The following TRHDE variants were observed in gnomAD, a reference collection of about 807,000 sequenced individuals.
TRHDE encodes the protein thyrotropin releasing hormone degrading enzyme.
Under a neutral mutation model 125.7 loss-of-function variants are expected in TRHDE, and 72 were observed. The ratio of observed to expected loss-of-function variants is 0.57; its 90% CI spans 0.47 to 0.70. The LOEUF (loss-of-function observed/expected upper bound fraction) is 0.70. TRHDE is among the 30% of genes least tolerant of loss of function. TRHDE has a pLI of 0.00. For synonymous variants in TRHDE, 509 were observed against 509.1 expected (o/e 1.00, Z 0.00); for missense variants, 1,110 against 1,327.1 (o/e 0.84, Z 2.54).
At chr12:72,096,637 AC>A (rs1874929461) in intron 1 of TRHDE, among the ~76,000 whole-genome samples, 1 of 152,156 alleles carries the variant, frequency 6.6e-6, no homozygotes, top group African/African-American at 2.4e-5. Flanking sequence ...TCCCCAAGGT[AC>A]TCCCAGGTCC....
chr12:72,446,967 A>T (rs1290986742), intron 3 of TRHDE, among the ~76,000 whole-genome samples: 1 of 152,132 alleles, frequency 6.6e-6, no homozygotes, highest in East Asian at 1.9e-4. Flanking sequence ...CGAGACAGAA[A>T]GTTAACAAGG....
intron 2 of TRHDE, among the ~76,000 whole-genome samples, chr12:72,163,829 C>T (rs752661634): frequency 3.9e-5 from 6 of 152,152 alleles, no homozygotes; most frequent in African/African-American, 1.4e-4. Flanking sequence ...GTACTCAAAT[C>T]GGCAGAGCGC....
chr12:72,163,837 C>A (rs578206991), intron 2 of TRHDE, among the ~76,000 whole-genome samples: 2 of 152,140 alleles, frequency 1.3e-5, no homozygotes, highest in Non-Finnish European at 2.9e-5. Context: ...ATCGGCAGAG[C>A]GCGGTGGCTC....
chr12:72,564,646 C>T (rs1870343882), intron 9 of TRHDE, among the ~76,000 whole-genome samples: 1 of 114,816 alleles, frequency 8.7e-6, no homozygotes, highest in Non-Finnish European at 1.9e-5. Flanking sequence ...TAAAATCATG[C>T]GTATGAATTT....
intron 12 of TRHDE, among the ~76,000 whole-genome samples, chr12:72,592,957 C>T (rs1328063151): frequency 6.6e-6 from 1 of 152,198 alleles, no homozygotes; most frequent in Non-Finnish European, 1.5e-5. Context: ...AGGCGATCCA[C>T]CAGCCTCGGC....
chr12:72,391,456 A>C (rs1273044528), intron 3 of TRHDE, among the ~76,000 whole-genome samples: 1 of 152,118 alleles, frequency 6.6e-6, no homozygotes, highest in African/African-American at 2.4e-5. Context: ...AGTTGGAGGA[A>C]TTTTAATGGT....
chr12:72,355,881 T>C (rs934385045), intron 2 of TRHDE, among the ~76,000 whole-genome samples: 6 of 151,738 alleles, frequency 4.0e-5, no homozygotes, highest in Non-Finnish European at 8.9e-5. Context: ...GAATAGCTAT[T>C]ACTAAAAAGT....
chr12:72,135,073 A>C (rs1875951149), intron 2 of TRHDE, among the ~76,000 whole-genome samples: 1 of 152,198 alleles, frequency 6.6e-6, no homozygotes, highest in African/African-American at 2.4e-5. Context: ...TGTGAGCATG[A>C]ATGTAAAAAT....
intron 1 of TRHDE, among the ~76,000 whole-genome samples, chr12:72,097,440 A>ATTTTTTTTTTTTTTTTTTTT (rs869290442): frequency 1.4e-4 from 3 of 21,652 alleles, no homozygotes; most frequent in African/African-American, 2.8e-4. Flanking sequence ...TTCTCACTGA[A>ATTTTTTTTTTTTTTTTTTTT]TTTTTTTTTT....
intron 5 of TRHDE, among the ~76,000 whole-genome samples, chr12:72,496,486 A>T (rs1877924656): frequency 6.6e-6 from 1 of 152,096 alleles, no homozygotes; most frequent in Non-Finnish European, 1.5e-5. Context: ...ATCTCATGAG[A>T]CTTATTTACT....
At chr12:72,177,497 A>G (rs1877013350) in intron 2 of TRHDE, among the ~76,000 whole-genome samples, 1 of 152,152 alleles carries the variant, frequency 6.6e-6, no homozygotes, top group African/African-American at 2.4e-5. Flanking sequence ...ACTACAGTCT[A>G]GCAAACTATG....
chr12:72,540,236 G>A (rs992644191), intron 6 of TRHDE, among the ~76,000 whole-genome samples: 5 of 151,696 alleles, frequency 3.3e-5, no homozygotes, highest in African/African-American at 1.2e-4. Flanking sequence ...CTATTAAAAT[G>A]TTCAGATGGG....
intron 1 of TRHDE, among the ~76,000 whole-genome samples, chr12:72,283,056 A>T (rs1386586334): frequency 6.6e-6 from 1 of 152,112 alleles, no homozygotes; most frequent in Non-Finnish European, 1.5e-5. Context: ...TTCTTCTTAC[A>T]TTTTCCCCTT....
chr12:72,299,672 C>T (rs904887382), intron 2 of TRHDE, among the ~76,000 whole-genome samples: 6 of 152,108 alleles, frequency 3.9e-5, no homozygotes, highest in Admixed American at 1.3e-4. Flanking sequence ...CTTTGAGTTA[C>T]AGAGAGAGGA....
At chr12:72,463,654 G>A (rs180917588) in intron 3 of TRHDE, among the ~76,000 whole-genome samples, 31 of 152,278 alleles carry the variant, frequency 2.0e-4, no homozygotes, top group Admixed American at 2.0e-3. Context: ...ACTGGAGCCA[G>A]GGCTTAGAGG....
chr12:72,621,073 T>G, intron 13 of TRHDE, 35 bp from the exon 14 acceptor site: 2 of 1,214,890 alleles, frequency 1.6e-6, no homozygotes, highest in Non-Finnish European at 2.4e-6. Context: ...AGTTTTAAAC[T>G]GACCTTATCT....
Position 72,395,632 on chromosome 12 carries a change from TTTCATC to T in TRHDE, c.1315+17516_1315+17521del, listed in dbSNP as rs571993279. Among the ~76,000 whole-genome samples, 928 of 152,234 alleles carry T rather than the reference TTTCATC, an allele frequency of 6.1e-3. 8 individuals are homozygous for T. The highest frequency in any genetic ancestry group is 0.021 in the African/African-American group (871 of 41,548). ...ATATATCATTGTATCATTCCTTTGC[TTTCATC>T]TTCAACTCTTTTGTGCCTATCACTC... On this transcript the variant is annotated intron_variant, in intron 3 of 18. Transcript: ENST00000261180.
chr12:72,573,653 A>T (rs1442160675), intron 10 of TRHDE, among the ~76,000 whole-genome samples: 1 of 151,936 alleles, frequency 6.6e-6, no homozygotes, highest in Admixed American at 6.6e-5. Flanking sequence ...GTACTCTAGT[A>T]CTCTTGTACT....
At chr12:72,425,171 T>C (rs932895662) in intron 3 of TRHDE, among the ~76,000 whole-genome samples, 2 of 152,164 alleles carry the variant, frequency 1.3e-5, no homozygotes, top group Admixed American at 1.3e-4. Flanking sequence ...CTAAAAGTGC[T>C]TTGCAAGGGT....
Sources: gnomAD v4.1 joint callset for allele counts (sites outside exome capture counted in the v4.1 genomes callset) on GRCh38, gnomAD v4.1.1 for gene constraint, MANE v1.5 for transcripts, NCBI Gene and HGNC (gene_info 2026-07-23, HGNC 2026-07-21) for gene names.